DNAH6: variants seen among roughly 807,000 people sequenced by gnomAD.
DNAH6 encodes the protein dynein axonemal heavy chain 6.
DNAH6 carries 340 observed loss-of-function variants against 491.4 expected under a neutral mutation model. The ratio of observed to expected loss-of-function variants is 0.69; its 90% CI spans 0.63 to 0.76. The LOEUF (loss-of-function observed/expected upper bound fraction) is 0.76, where lower values mean the gene tolerates loss of function less well. DNAH6 is among the 30% of genes least tolerant of loss of function. The pLI is 0.00. For missense variants in DNAH6, 4,443 were observed against 4,972.2 expected (o/e 0.89, Z 3.20); for synonymous variants, 1,603 against 1,686.1 (o/e 0.95, Z 1.21).
At chr2:84,523,931 G>T (rs1676369379) in intron 2 of DNAH6, among the ~76,000 whole-genome samples, 1 of 152,016 alleles carries the variant, frequency 6.6e-6, no homozygotes, top group Non-Finnish European at 1.5e-5. Context: ...TGCTGTTTTG[G>T]GGTGGAGAGT....
intron 58 of DNAH6, among the ~76,000 whole-genome samples, chr2:84,716,067 C>T (rs1433327672): frequency 6.6e-6 from 1 of 151,378 alleles, no homozygotes; most frequent in Non-Finnish European, 1.5e-5. Context: ...TTTAACTGTC[C>T]ACTTCAAATA....
At position 84,672,342 on chromosome 2, in the gene DNAH6, A is replaced by G; in HGVS notation, c.6470A>G (p.Lys2157Arg). ...RKNILGAPGN[K>R]RIVIFVDDLN... is the part of the protein sequence containing the mutation. ...ATTTCCCTAGGAGCACCGGGAAACA[A>G]ACGAATTGTGATTTTTGTTGATGAT... The change falls in exon 40 of 77, where the codon AAA (lysine) becomes AGA (arginine). Residue 2157 changes from lysine (K) to arginine (R), a missense_variant. Physicochemically the swap from Lys to Arg is conservative, Grantham distance 26. Coordinates refer to ENST00000389394, the MANE Select transcript of DNAH6 (RefSeq NM_001370.2). 6.5e-7 allele frequency: 1 copy of G among 1,548,578 alleles called. No individual in the cohort carries two copies. The highest frequency in any genetic ancestry group is 1.4e-5 in the African/African-American group (1 of 73,060).
chr2:84,477,624 C>T, the DNAH6 span, among the ~76,000 whole-genome samples: 16 of 152,158 alleles, frequency 1.1e-4, no homozygotes, highest in African/African-American at 3.9e-4. Flanking sequence ...CACATTGACT[C>T]ACATTTTTGT....
intron 29 of DNAH6, among the ~76,000 whole-genome samples, chr2:84,631,722 T>C (rs1688419930): frequency 6.6e-6 from 1 of 152,156 alleles, no homozygotes; most frequent in Non-Finnish European, 1.5e-5. Context: ...GAAAGAATCC[T>C]ACCCCCAAGA....
At chr2:84,573,407 G>A in intron 11 of DNAH6, 60 bp from the exon 12 acceptor site, 2 of 1,411,912 alleles carry the variant, frequency 1.4e-6, no homozygotes, top group African/African-American at 3.0e-5. Flanking sequence ...TAGTTGTATT[G>A]AATTAAATTC....
In DNAH6 at chr2:84,676,863, A is replaced by T. The variant is rs1693275118; in HGVS notation, c.6613-142A>T. The T allele has an allele frequency of 4.1e-5, 37 of 904,068 alleles. No individual in the cohort carries two copies. The South Asian group carries it at 6.1e-4, about 15-fold the overall frequency. 56.0% of individuals were successfully genotyped at this position (904,068 alleles called of 1,614,324 possible). A position where few individuals can be genotyped will look rare whatever the true frequency, so the allele number is the denominator to read the frequency against. On this transcript the variant is annotated intron_variant, in intron 40 of 76. Coordinates refer to ENST00000389394, the MANE Select transcript of DNAH6 (RefSeq NM_001370.2). ...AGGTGTAATTATAGTGATCTCTTGG[A>T]GTGATTGTGAGAATTAAGTCATTTA...
rs556342258 is a variant in DNAH6 at position 84,607,865 on chromosome 2, G to A, written c.3294+770G>A. Reference sequence around the variant, plus strand: ...AACAATGAAGTTTGCCACATTCATCGACTCTTCCTTTTATTTAAAAAAAAT... The same window carrying A: ...AACAATGAAGTTTGCCACATTCATCAACTCTTCCTTTTATTTAAAAAAAAT... On this transcript the variant is annotated intron_variant, in intron 21 of 76. Coordinates refer to ENST00000389394, the MANE Select transcript of DNAH6 (RefSeq NM_001370.2). Among the ~76,000 whole-genome samples the A allele has an allele frequency of 7.2e-5, 11 of 152,136 alleles. No homozygotes were observed. In the South Asian group the frequency reaches 1.5e-3, roughly 20 times the overall value.
chr2:84,618,219 C>T (rs1687068713), intron 23 of DNAH6, among the ~76,000 whole-genome samples: 1 of 152,076 alleles, frequency 6.6e-6, no homozygotes, highest in Non-Finnish European at 1.5e-5. Context: ...TTGAGGAAAT[C>T]TGGAAATACA....
chr2:84,692,721 C>T (rs933079470), intron 45 of DNAH6, among the ~76,000 whole-genome samples: 4 of 152,082 alleles, frequency 2.6e-5, no homozygotes, highest in African/African-American at 4.8e-5. Flanking sequence ...ATCCCTTCCC[C>T]CTTCCCAGGT....
intron 66 of DNAH6, among the ~76,000 whole-genome samples, chr2:84,785,400 G>A (rs2105238663): frequency 6.6e-6 from 1 of 152,320 alleles, no homozygotes; most frequent in Admixed American, 6.5e-5. Flanking sequence ...AACCACTGTA[G>A]GTCTGAGAAA....
intron 21 of DNAH6, among the ~76,000 whole-genome samples, chr2:84,611,136 A>G (rs1686285431): frequency 1.5e-5 from 2 of 130,714 alleles, no homozygotes; most frequent in South Asian, 4.7e-4. Flanking sequence ...GATTTATTTT[A>G]TTAACAGTGA....
chr2:84,557,455 G>A (rs1443485816), intron 10 of DNAH6, among the ~76,000 whole-genome samples: 8 of 151,050 alleles, frequency 5.3e-5, no homozygotes, highest in South Asian at 2.1e-4. Flanking sequence ...GACCATCCTG[G>A]CTAACAAGGT....
intron 35 of DNAH6, among the ~76,000 whole-genome samples, chr2:84,657,233 G>T (rs1228999066): frequency 3.9e-5 from 6 of 152,024 alleles, no homozygotes; most frequent in African/African-American, 1.2e-4. Flanking sequence ...GATTACTGCA[G>T]CTGTATAGTA....
At chr2:84,541,098 C>G (rs572343051) in intron 4 of DNAH6, among the ~76,000 whole-genome samples, 1 of 152,172 alleles carries the variant, frequency 6.6e-6, no homozygotes, top group African/African-American at 2.4e-5. Flanking sequence ...TCCAAAACCA[C>G]TCTCTAGGAG....
chr2:84,759,534 C>G (rs536573432), intron 63 of DNAH6, among the ~76,000 whole-genome samples: 8 of 151,726 alleles, frequency 5.3e-5, no homozygotes, highest in African/African-American at 1.4e-4. Context: ...AAAAAAAACC[C>G]AATACCTAGG....
chr2:84,552,117 G>A (rs533561415), intron 9 of DNAH6, among the ~76,000 whole-genome samples: 28 of 151,072 alleles, frequency 1.9e-4, no homozygotes, highest in East Asian at 9.7e-4. Context: ...ATTACCATTC[G>A]TTTTAATCTG....
At position 84,669,521 on chromosome 2, in the gene DNAH6, T is replaced by A. The variant is rs1558883113; in HGVS notation, c.6306+11T>A. On this transcript the variant is annotated intron_variant, in intron 38 of 76. Transcript: ENST00000389394. The stretch of plus-strand genomic sequence containing the variant: ...ACTGGAGTGGGCAAGGTAGGAAACT[T>A]ACATCAAACAAGAAGTCCTCTCCAA... 1 of 1,549,174 alleles carries A rather than the reference T, an allele frequency of 6.5e-7. No individual in the cohort carries two copies. Among genetic ancestry groups the A allele is most frequent in the East Asian group, 2.4e-5 (1 of 40,898 alleles).
intron 64 of DNAH6, among the ~76,000 whole-genome samples, chr2:84,778,646 A>G (rs925687467): frequency 3.3e-5 from 5 of 151,870 alleles, no homozygotes; most frequent in African/African-American, 1.2e-4. Flanking sequence ...GACTGCAGGC[A>G]CACACCACTA....
chr2:84,705,066 A>G (rs1244202788), intron 51 of DNAH6, among the ~76,000 whole-genome samples: 1 of 152,222 alleles, frequency 6.6e-6, no homozygotes, highest in Non-Finnish European at 1.5e-5. Context: ...AGGAAGATCA[A>G]TCTGGCAAAA....
Sources: gnomAD v4.1 joint callset for allele counts (sites outside exome capture counted in the v4.1 genomes callset) on GRCh38, gnomAD v4.1.1 for gene constraint, MANE v1.5 for transcripts, NCBI Gene and HGNC (gene_info 2026-07-23, HGNC 2026-07-21) for gene names.